SPATA16: variants seen among roughly 807,000 people sequenced by gnomAD.
SPATA16 encodes spermatogenesis-associated protein 16.
In SPATA16, 36 loss-of-function variants were observed where a neutral mutation model predicts 63.3. That is an observed-to-expected ratio of 0.57 (90% CI 0.44 to 0.75). The LOEUF is 0.75. SPATA16 is among the 30% of genes least tolerant of loss of function. The probability of loss-of-function intolerance (pLI) is 0.00; values close to 1 mark genes in which losing one functional copy is unlikely to be tolerated. For missense variants in SPATA16, 646 were observed against 679.3 expected, an observed-to-expected ratio of 0.95 and a Z score of 0.54; for synonymous variants, 203 against 216.7, an observed-to-expected ratio of 0.94 and a Z score of 0.56.
intron 1 of SPATA16, among the ~76,000 whole-genome samples, chr3:173,137,131 A>G (rs1738567344): frequency 6.6e-6 from 1 of 152,308 alleles, no homozygotes; most frequent in East Asian, 1.9e-4. Flanking sequence ...CCATCACTGT[A>G]CATCTAAATC....
At chr3:173,131,661 T>C (rs1738388683) in intron 1 of SPATA16, among the ~76,000 whole-genome samples, 1 of 152,162 alleles carries the variant, frequency 6.6e-6, no homozygotes, top group Non-Finnish European at 1.5e-5. Flanking sequence ...TTTTGCGGTC[T>C]TACGAGACAA....
At chr3:173,064,755 C>T (rs12639343) in intron 2 of SPATA16, among the ~76,000 whole-genome samples, 22,123 of 152,180 alleles carry the variant, frequency 0.15, 1,987 homozygotes, top group South Asian at 0.23. Flanking sequence ...ATTTCAGATC[C>T]ATTAACATCC....
chr3:172,926,010 G>C (rs1732725258), intron 6 of SPATA16, among the ~76,000 whole-genome samples: 2 of 152,014 alleles, frequency 1.3e-5, no homozygotes, highest in African/African-American at 2.4e-5. Flanking sequence ...ATTTTTAGTA[G>C]AGACGGGATT....
intron 6 of SPATA16, among the ~76,000 whole-genome samples, chr3:172,945,678 G>A (rs1241254732): frequency 6.6e-6 from 1 of 152,186 alleles, no homozygotes; most frequent in Middle Eastern, 3.2e-3. Flanking sequence ...AGCACCCATG[G>A]AGGGAGCATT....
At chr3:173,067,211 A>G (rs1484670416) in intron 2 of SPATA16, among the ~76,000 whole-genome samples, 1 of 152,216 alleles carries the variant, frequency 6.6e-6, no homozygotes, top group East Asian at 1.9e-4. Context: ...CTAGATGCCC[A>G]ATAACAGTGG....
intron 6 of SPATA16, among the ~76,000 whole-genome samples, chr3:172,941,375 GA>G (rs577845592): frequency 1.3e-5 from 2 of 151,310 alleles, no homozygotes; most frequent in Admixed American, 6.6e-5. Context: ...AGCAGGTTAA[GA>G]AAAAAAAATT....
At chr3:173,134,475 C>A (rs576610136) in intron 1 of SPATA16, among the ~76,000 whole-genome samples, 56 of 150,860 alleles carry the variant, frequency 3.7e-4, no homozygotes, top group African/African-American at 1.3e-3. Context: ...GGTGACAGAG[C>A]AAGACTCTGC....
chr3:173,033,996 C>T (rs1044554074), intron 3 of SPATA16, among the ~76,000 whole-genome samples: 32 of 152,208 alleles, frequency 2.1e-4, no homozygotes, highest in African/African-American at 7.2e-4. Flanking sequence ...TGAGCTGCCG[C>T]GCCTGGCTGA....
At chr3:173,072,522 T>G (rs1736698522) in intron 2 of SPATA16, among the ~76,000 whole-genome samples, 2 of 152,166 alleles carry the variant, frequency 1.3e-5, no homozygotes, top group African/African-American at 4.8e-5. Flanking sequence ...GTTTTTGTGA[T>G]AGTGAATAAG....
intron 3 of SPATA16, among the ~76,000 whole-genome samples, chr3:173,040,878 T>C (rs1045378335): frequency 3.3e-5 from 5 of 152,134 alleles, no homozygotes; most frequent in Admixed American, 2.0e-4. Context: ...CTTGTCCTTG[T>C]TCCTGCTTGA....
intron 4 of SPATA16, among the ~76,000 whole-genome samples, chr3:173,003,728 G>A (rs1356187061): frequency 6.6e-6 from 1 of 152,072 alleles, no homozygotes; most frequent in African/African-American, 2.4e-5. Context: ...TAATTCAGAG[G>A]GAATGTATTA....
chr3:173,069,361 C>T (rs1296897104), intron 2 of SPATA16, among the ~76,000 whole-genome samples: 1 of 152,030 alleles, frequency 6.6e-6, no homozygotes, highest in African/African-American at 2.4e-5. Context: ...AGCAACTATA[C>T]ATCAATAAAT....
At chr3:173,086,224 A>C (rs1047488175) in intron 2 of SPATA16, among the ~76,000 whole-genome samples, 2 of 152,082 alleles carry the variant, frequency 1.3e-5, no homozygotes, top group African/African-American at 4.8e-5. Context: ...TTATTTGTCT[A>C]TTCAGGAATT....
rs547157860 is a variant in SPATA16 at position 172,968,153 on chromosome 3, A to G, written c.933+8815T>C. On this transcript the variant is annotated intron_variant, in intron 5 of 10. Transcript: ENST00000351008. ...GCTCTGTTGCCTGAATTTTCTAACAAGCCTTAATTATCAACGTGCAGAGAA... is the reference window on the plus strand; with the variant it reads ...GCTCTGTTGCCTGAATTTTCTAACAGGCCTTAATTATCAACGTGCAGAGAA... 2.8e-4 allele frequency among the ~76,000 whole-genome samples: 43 copies of G among 152,310 alleles called. 2 individuals carry two copies. In the South Asian group the frequency reaches 7.9e-3, roughly 28 times the overall value.
At chr3:173,068,881 C>T (rs1422389950) in intron 2 of SPATA16, among the ~76,000 whole-genome samples, 13 of 150,102 alleles carry the variant, frequency 8.7e-5, no homozygotes, top group East Asian at 3.9e-4. Context: ...AAGGCCGAGG[C>T]GGGCGGATCA....
rs552806139 is a variant in SPATA16 at position 173,134,801 on chromosome 3, C to T, written c.-19+6302G>A. On this transcript the variant is annotated intron_variant, in intron 1 of 10. Transcript: ENST00000351008. Reference sequence around the variant, plus strand: ...TGGTGCTGGCCTAAATCAAATGCAGCGAATAAATTTTGATACCTATCTTAC... The same window carrying T: ...TGGTGCTGGCCTAAATCAAATGCAGTGAATAAATTTTGATACCTATCTTAC... Among the ~76,000 whole-genome samples the T allele has an allele frequency of 1.0e-3, 152 of 152,068 alleles. 1 individual carries two copies. The highest frequency in any genetic ancestry group is 3.4e-3 in the African/African-American group (141 of 41,474).
chr3:173,082,509 T>TATC (rs1736947860), intron 2 of SPATA16, among the ~76,000 whole-genome samples: 1 of 152,218 alleles, frequency 6.6e-6, no homozygotes, highest in Non-Finnish European at 1.5e-5. Flanking sequence ...AACTGTTCAC[T>TATC]ATCTCCCCTA....
intron 6 of SPATA16, among the ~76,000 whole-genome samples, chr3:172,943,462 G>A (rs959657854): frequency 6.6e-6 from 1 of 152,224 alleles, no homozygotes; most frequent in Non-Finnish European, 1.5e-5. Context: ...CTGGAACAGG[G>A]ATGGATTTCT....
chr3:173,003,707 C>G (rs919103936), intron 4 of SPATA16, among the ~76,000 whole-genome samples: 5 of 152,192 alleles, frequency 3.3e-5, no homozygotes, highest in African/African-American at 1.2e-4. Flanking sequence ...CAGTGTTTCA[C>G]TCAATAGAAC....
Sources: gnomAD v4.1 joint callset for allele counts (sites outside exome capture counted in the v4.1 genomes callset) on GRCh38, gnomAD v4.1.1 for gene constraint, MANE v1.5 for transcripts, NCBI Gene and HGNC (gene_info 2026-07-23, HGNC 2026-07-21) for gene names.